The following MCF2L2 variants were observed in gnomAD, a reference collection of about 807,000 sequenced individuals.
MCF2L2 encodes the protein probable guanine nucleotide exchange factor MCF2L2.
A neutral mutation model predicts 150.2 loss-of-function variants in MCF2L2; 102 were observed. The observed-to-expected ratio is 0.68, with a 90% CI of 0.58 to 0.80. The LOEUF (loss-of-function observed/expected upper bound fraction) is 0.80, where lower values mean the gene tolerates loss of function less well. Among genes scored for constraint, MCF2L2 ranks in the 30% least tolerant of loss-of-function variants. The pLI, the probability that MCF2L2 is intolerant of heterozygous loss-of-function variation, is 0.00. For missense variants in MCF2L2, 1,256 were observed against 1,372.8 expected, an observed-to-expected ratio of 0.91 and a Z score of 1.34; for synonymous variants, 465 against 491.3, an observed-to-expected ratio of 0.95 and a Z score of 0.71.
intron 3 of MCF2L2, among the ~76,000 whole-genome samples, chr3:183,351,670 A>G (rs1488795632): frequency 6.6e-6 from 1 of 152,216 alleles, no homozygotes; most frequent in African/African-American, 2.4e-5. Flanking sequence ...AGGACTGTCT[A>G]TGTTTGCTGA....
intron 7 of MCF2L2, among the ~76,000 whole-genome samples, chr3:183,312,147 C>T (rs768481399): frequency 6.6e-6 from 1 of 152,184 alleles, no homozygotes; most frequent in Non-Finnish European, 1.5e-5. Flanking sequence ...ACGCTAGAAA[C>T]TACTGAGCAA....
At chr3:183,339,197 T>A (rs1237330859) in intron 4 of MCF2L2, among the ~76,000 whole-genome samples, 3 of 152,196 alleles carry the variant, frequency 2.0e-5, no homozygotes, top group African/African-American at 7.2e-5. Flanking sequence ...AATTGGGAAA[T>A]TAATAAAACT....
intron 21 of MCF2L2, among the ~76,000 whole-genome samples, chr3:183,217,294 CAAAAAAAAAA>C (rs35973262): frequency 6.4e-3 from 98 of 15,210 alleles, no homozygotes; most frequent in African/African-American, 0.022. Flanking sequence ...AACCCCGTCT[CAAAAAAAAAA>C]AAAAAAAAAA....
At chr3:183,243,548 G>A (rs1724123924) in intron 15 of MCF2L2, among the ~76,000 whole-genome samples, 1 of 152,206 alleles carries the variant, frequency 6.6e-6, no homozygotes, top group Non-Finnish European at 1.5e-5. Flanking sequence ...TGCTTCTGGA[G>A]CTGGGAGTTA....
rs1509006 is a variant in MCF2L2, at chr3:183,341,975, G to T, written c.276-345C>A. On this transcript the variant is annotated intron_variant, in intron 3 of 29. Coordinates refer to ENST00000328913, the MANE Select transcript of MCF2L2 (RefSeq NM_015078.4). ...TGAGGTTGAGCTCTGCCATCCTTCC[G>T]CTCCCAAAGCAAACATTCACAGAGC... 4.6e-5 allele frequency among the ~76,000 whole-genome samples: 7 copies of T among 152,086 alleles called. No individual in the cohort carries two copies. In the East Asian group the frequency reaches 1.4e-3, roughly 29 times the overall value.
At chr3:183,370,062 G>A (rs926054113) in intron 3 of MCF2L2, among the ~76,000 whole-genome samples, 3 of 152,192 alleles carry the variant, frequency 2.0e-5, no homozygotes, top group Non-Finnish European at 4.4e-5. Flanking sequence ...TCATGAGAGT[G>A]GCAGGAGGCA....
At chr3:183,335,773 C>T (rs576341788) in intron 5 of MCF2L2, among the ~76,000 whole-genome samples, 3 of 152,218 alleles carry the variant, frequency 2.0e-5, no homozygotes, top group Non-Finnish European at 2.9e-5. Context: ...CCAGGATGAT[C>T]GCTCAAGCCC....
At chr3:183,284,003 T>C (rs948904265) in intron 14 of MCF2L2, among the ~76,000 whole-genome samples, 3 of 152,214 alleles carry the variant, frequency 2.0e-5, no homozygotes, top group African/African-American at 7.2e-5. Context: ...TCAAGTTTCC[T>C]GAGTTTAGGC....
At chr3:183,340,790 C>A (rs1730664758) in intron 4 of MCF2L2, among the ~76,000 whole-genome samples, 1 of 152,034 alleles carries the variant, frequency 6.6e-6, no homozygotes, top group South Asian at 2.1e-4. Flanking sequence ...TAAAAATACA[C>A]AAATTAGCCA....
chr3:183,282,544 T>G (rs1177085991), intron 14 of MCF2L2, among the ~76,000 whole-genome samples: 1 of 152,130 alleles, frequency 6.6e-6, no homozygotes, highest in Non-Finnish European at 1.5e-5. Context: ...TATCAGGAAG[T>G]GAGAAACATG....
In MCF2L2 at chr3:183,420,665, T is replaced by C. The variant is rs143824162; in HGVS notation, c.76+7237A>G. ...AAAGGAAAGAAGTTTAACTGACTCA[T>C]AGTTCCGCCTGGCTGGGGAAGCCTC... On this transcript the variant is annotated intron_variant, in intron 1 of 29. Coordinates refer to ENST00000328913, the MANE Select transcript of MCF2L2 (RefSeq NM_015078.4). Among the ~76,000 whole-genome samples, 819 of 152,308 alleles carry C rather than the reference T, an allele frequency of 5.4e-3. 5 individuals are homozygous for C. The highest frequency in any genetic ancestry group is 0.018 in the African/African-American group (766 of 41,558).
At chr3:183,294,629 A>ATTT (rs1285808350) in intron 13 of MCF2L2, among the ~76,000 whole-genome samples, 3 of 125,268 alleles carry the variant, frequency 2.4e-5, no homozygotes, top group African/African-American at 6.6e-5. Flanking sequence ...ATATATATAT[A>ATTT]TATATTTTTT....
chr3:183,269,989 T>C, intron 15 of MCF2L2: 1 of 1,614,198 alleles, frequency 6.2e-7, no homozygotes, highest in Non-Finnish European at 8.5e-7. Flanking sequence ...ACCCTGTCTC[T>C]TAAGCACACC....
chr3:183,287,347 G>A (rs1727852598), intron 14 of MCF2L2: 1 of 151,918 alleles, frequency 6.6e-6, no homozygotes, highest in Non-Finnish European at 1.5e-5. Flanking sequence ...GATAGGAAGT[G>A]AGTTCACATC....
intron 20 of MCF2L2, 114 bp downstream of exon 20, chr3:183,223,232 C>T (rs1219854692): frequency 1.1e-5 from 8 of 716,568 alleles, no homozygotes; most frequent in Middle Eastern, 2.4e-4. Flanking sequence ...GCAGGATAGA[C>T]GTATCTTCAG....
chr3:183,194,954 T>A (rs1722030969), intron 26 of MCF2L2, among the ~76,000 whole-genome samples: 1 of 151,156 alleles, frequency 6.6e-6, no homozygotes, highest in Non-Finnish European at 1.5e-5. Context: ...AATTTTTGTA[T>A]TTTTTTTTGT....
chr3:183,301,536 T>C (rs563951799), intron 10 of MCF2L2, among the ~76,000 whole-genome samples: 1 of 152,162 alleles, frequency 6.6e-6, no homozygotes, highest in Non-Finnish European at 1.5e-5. Context: ...GGCTCACGCC[T>C]GTAATCCTAG....
chr3:183,219,830 A>G, intron 21 of MCF2L2, 26 bp downstream of exon 21: 1 of 1,480,044 alleles, frequency 6.8e-7, no homozygotes, highest in Non-Finnish European at 9.4e-7. Flanking sequence ...TTAGTTATAT[A>G]AAATGTAATA....
chr3:183,328,929 G>C (rs1313762513), intron 5 of MCF2L2, among the ~76,000 whole-genome samples: 1 of 152,050 alleles, frequency 6.6e-6, no homozygotes, highest in Non-Finnish European at 1.5e-5. Flanking sequence ...ATGAAAAGAG[G>C]CTCAATATCA....
Sources: gnomAD v4.1 joint callset for allele counts (sites outside exome capture counted in the v4.1 genomes callset) on GRCh38, gnomAD v4.1.1 for gene constraint, MANE v1.5 for transcripts, NCBI Gene and HGNC (gene_info 2026-07-23, HGNC 2026-07-21) for gene names.